Variants in MYH13 observed in about 807,000 individuals in gnomAD.
MYH13 encodes myosin-13.
In MYH13, 177 loss-of-function variants were observed where a neutral mutation model predicts 232.1. The ratio of observed to expected loss-of-function variants is 0.76; its 90% confidence interval spans 0.67 to 0.86. MYH13 has a LOEUF of 0.86. Ranked by LOEUF, MYH13 falls within the 40% of genes least tolerant of loss-of-function variation. MYH13 has a pLI of 0.00. For synonymous variants in MYH13, 884 were observed against 923.5 expected (o/e 0.96, Z 0.78); for missense variants, 2,246 against 2,405.9 (o/e 0.93, Z 1.39).
Position 10,320,350 on chromosome 17 carries a change from C to A in MYH13, c.3257+1G>T. On this transcript the variant is annotated splice_donor_variant, in intron 25 of 40. Coordinates refer to ENST00000252172, the MANE Select transcript of MYH13 (RefSeq NM_003802.3). LOFTEE classifies it high-confidence loss of function. ...ACAGAGGTGGTAAAAGAAATATCTA[C>A]TTTTTCAATTTCTCTTCTATTTGCT... is the stretch of plus-strand genomic sequence containing the variant. The A allele has an allele frequency of 6.2e-7, 1 of 1,611,166 alleles. No individual in the cohort carries two copies. Among genetic ancestry groups the A allele is most frequent in the South Asian group, 1.1e-5 (1 of 90,480 alleles).
At chr17:10,359,572 G>A (rs528072943) in intron 7 of MYH13, among the ~76,000 whole-genome samples, 63 of 152,314 alleles carry the variant, frequency 4.1e-4, no homozygotes, top group African/African-American at 1.4e-3. Context: ...TGAGACGGGG[G>A]TCGTGAGCTC....
At position 10,365,283 on chromosome 17, in the gene MYH13, A is replaced by G. The variant is rs143635506; in HGVS notation, c.-12-741T>C. 1.2e-4 allele frequency among the ~76,000 whole-genome samples: 19 copies of G among 152,352 alleles called. No individual in the cohort carries two copies. The East Asian group carries it at 3.5e-3, about 28-fold the overall frequency. On this transcript the variant is annotated intron_variant, in intron 2 of 40. Coordinates refer to ENST00000252172, the MANE Select transcript of MYH13 (RefSeq NM_003802.3). The stretch of plus-strand genomic sequence containing the variant: ...GTCACTGGAATGCTGATAATTCTTA[A>G]TAGACATTTTGGTTAGCCCCGTGAA...
chr17:10,355,846 T>G (rs1164865665), intron 8 of MYH13, among the ~76,000 whole-genome samples: 5 of 83,632 alleles, frequency 6.0e-5, no homozygotes, highest in African/African-American at 2.0e-4. Context: ...TTTTTTTTTT[T>G]TTTTTTTTTT....
At chr17:10,313,997 T>A (rs986909020) in intron 29 of MYH13, among the ~76,000 whole-genome samples, 2 of 152,098 alleles carry the variant, frequency 1.3e-5, no homozygotes, top group Non-Finnish European at 2.9e-5. Flanking sequence ...CCTCACTCCC[T>A]CCCATTGGAG....
Position 10,309,275 on chromosome 17 carries a change from G to T in MYH13, c.5128C>A (p.Leu1710Met). Residue 1710 changes from leucine to methionine, a missense_variant, in exon 35 of 41, where the codon CTG (leucine) becomes ATG (methionine). Transcript: ENST00000252172. Reference protein sequence around the residue: ...ERTRRLSEQELLDASDRVQLL... With the variant: ...ERTRRLSEQEMLDASDRVQLL... ...TGCACGCGGTCGCTGGCGTCCAGCA[G>T]CTCCTGCTCTGACAGCCTGCGGGTC... 6.2e-7 allele frequency: 1 copy of T among 1,613,818 alleles called. No homozygotes were observed. The highest frequency in any genetic ancestry group is 8.5e-7 in the Non-Finnish European group (1 of 1,179,850).
intron 22 of MYH13, among the ~76,000 whole-genome samples, chr17:10,326,992 T>TTTTTTG: frequency 3.5e-5 from 1 of 28,344 alleles, no homozygotes; most frequent in South Asian, 1.1e-3. Flanking sequence ...TTTTTTTTTT[T>TTTTTTG]TTTTTTTTTT....
intron 19 of MYH13, 42 bp downstream of exon 19, chr17:10,333,032 G>A (rs896464235): frequency 1.4e-6 from 2 of 1,429,932 alleles, no homozygotes; most frequent in Non-Finnish European, 1.9e-6. Context: ...TGCAAAAGGT[G>A]CCCTCGGAAG....
At chr17:10,312,279 T>A (rs1357950671) in intron 31 of MYH13, among the ~76,000 whole-genome samples, 1 of 152,148 alleles carries the variant, frequency 6.6e-6, no homozygotes, top group East Asian at 1.9e-4. Flanking sequence ...ACAGACATTA[T>A]AATCTCAGTG....
In MYH13 at chr17:10,345,885, C is replaced by T. The variant is rs186334280; in HGVS notation, c.1264-269G>A. On this transcript the variant is annotated intron_variant, in intron 13 of 40. Coordinates refer to ENST00000252172, the MANE Select transcript of MYH13 (RefSeq NM_003802.3). ...GCAGGCGCCTGTAGTCCCAGCTATT[C>T]GGGAGGCTGAGGCAGGAGAATCACT... Among the ~76,000 whole-genome samples, 745 of 143,514 alleles carry T rather than the reference C, an allele frequency of 5.2e-3. 6 individuals carry two copies. The highest frequency in any genetic ancestry group is 0.018 in the African/African-American group (681 of 38,622). 94.2% of individuals were successfully genotyped at this position (143,514 alleles called of 152,430 possible). A position where few individuals can be genotyped will look rare whatever the true frequency, so the allele number is the denominator to read the frequency against.
intron 2 of MYH13, among the ~76,000 whole-genome samples, chr17:10,369,563 G>C (rs1230222660): frequency 3.3e-5 from 5 of 152,228 alleles, no homozygotes; most frequent in Non-Finnish European, 7.3e-5. Flanking sequence ...CAAAACTTGT[G>C]ATGGCAATAG....
chr17:10,317,288 A>G (rs1370550517), intron 27 of MYH13, among the ~76,000 whole-genome samples: 6 of 152,176 alleles, frequency 3.9e-5, no homozygotes, highest in African/African-American at 1.4e-4. Flanking sequence ...GAAGAAAGAA[A>G]ACCAAGGGAA....
intron 12 of MYH13, among the ~76,000 whole-genome samples, chr17:10,349,292 G>T (rs1402759825): frequency 6.6e-6 from 1 of 151,888 alleles, no homozygotes; most frequent in Non-Finnish European, 1.5e-5. Flanking sequence ...GTAGAGAAGG[G>T]GTTTTACCAT....
rs146956022 is a variant in MYH13, at chr17:10,330,581, C to T, written c.2299-58G>A. 1.9e-3 allele frequency: 3,006 copies of T among 1,550,766 alleles called. 14 individuals carry two copies. The highest frequency in any genetic ancestry group is 9.0e-3 in the Middle Eastern group (39 of 4,348). ...TTCCCCAGCAGGCGTTCAGCCGGGCCCTTGAGGGGGCCTGTTTCTGCTCAA... is the reference window on the plus strand; with the variant it reads ...TTCCCCAGCAGGCGTTCAGCCGGGCTCTTGAGGGGGCCTGTTTCTGCTCAA... On this transcript the variant is annotated intron_variant, in intron 20 of 40. Transcript: ENST00000252172.
At chr17:10,366,129 T>A (rs1206835120) in intron 2 of MYH13, among the ~76,000 whole-genome samples, 1 of 152,062 alleles carries the variant, frequency 6.6e-6, no homozygotes, top group African/African-American at 2.4e-5. Context: ...CCAGCCTCAC[T>A]CCTGTCTAAG....
At chr17:10,337,976 C>T (rs2071589269) in intron 18 of MYH13, among the ~76,000 whole-genome samples, 2 of 152,098 alleles carry the variant, frequency 1.3e-5, no homozygotes, top group South Asian at 4.2e-4. Flanking sequence ...TAGCTTGAAC[C>T]AGGGAGTTGG....
intron 5 of MYH13, 133 bp downstream of exon 5, chr17:10,361,985 T>C: frequency 6.4e-7 from 1 of 1,553,792 alleles, no homozygotes; most frequent in South Asian, 1.2e-5. Context: ...ACCCTTTGCT[T>C]TTCATCCCCA....
chr17:10,344,219 G>A, intron 15 of MYH13, 110 bp from the exon 16 acceptor site: 1 of 1,464,278 alleles, frequency 6.8e-7, no homozygotes, highest in Non-Finnish European at 9.1e-7. Context: ...CAGGAATGCT[G>A]GCATGTACGC....
At chr17:10,339,554 T>A (rs530357907) in intron 18 of MYH13, among the ~76,000 whole-genome samples, 1 of 152,322 alleles carries the variant, frequency 6.6e-6, no homozygotes, top group East Asian at 1.9e-4. Flanking sequence ...CCAAGATGAT[T>A]ATTTGCCAAA....
rs754627015 is a variant in MYH13 at position 10,318,805 on chromosome 17, A to G, written c.3723T>C (p.Ala1241=). ...EIDDMASNIE[A]LSKSKSNIER... is the part of the protein sequence containing the mutation. The stretch of plus-strand genomic sequence containing the variant: ...AGTCAGGTACCTTTGACTTGGAGAG[A>G]GCCTCGATGTTGCTGGCCATGTCGT... The change falls in exon 27 of 41, where the codon GCT becomes GCC. Residue 1241 remains alanine, a synonymous_variant. Transcript: ENST00000252172. 2 of 1,613,984 alleles carry G rather than the reference A, an allele frequency of 1.2e-6. No individual in the cohort carries two copies. The highest frequency in any genetic ancestry group is 4.5e-5 in the East Asian group (2 of 44,864).
Sources: allele counts gnomAD v4.1 joint callset (sites outside exome capture counted in the v4.1 genomes callset), GRCh38; gene constraint gnomAD v4.1.1; transcripts MANE v1.5; gene names NCBI Gene and HGNC (gene_info 2026-07-23, HGNC 2026-07-21).